Variants in ATM observed in about 807,000 individuals in gnomAD.
The protein encoded by ATM is ATM serine/threonine kinase.
Under a neutral mutation model 387.0 loss-of-function variants are expected in ATM, and 308 were observed. The ratio of observed to expected loss-of-function variants is 0.80; its 90% CI spans 0.73 to 0.87. ATM has a LOEUF of 0.87. Among genes scored for constraint, ATM ranks in the 40% least tolerant of loss-of-function variants. ATM has a pLI of 0.00. For missense variants in ATM, 3,312 were observed against 3,560.9 expected, an observed-to-expected ratio of 0.93 and a Z score of 1.78; for synonymous variants, 1,156 against 1,187.3, an observed-to-expected ratio of 0.97 and a Z score of 0.54.
chr11:108,313,757 A>G (rs946177696), intron 40 of ATM, among the ~76,000 whole-genome samples: 1 of 152,230 alleles, frequency 6.6e-6, no homozygotes, highest in South Asian at 2.1e-4. Context: ...AGTTGGAACT[A>G]TAGAATTATG....
At chr11:108,331,062 A>G (rs1565531347) in intron 50 of ATM, 2 of 599,478 alleles carry the variant, frequency 3.3e-6, no homozygotes, top group South Asian at 1.0e-4. Flanking sequence ...GTATACACTA[A>G]ATATTACTTT....
At position 108,289,649 on chromosome 11, in the gene ATM, A is replaced by G; in HGVS notation, c.4284A>G (p.Glu1428=). The G allele has an allele frequency of 6.2e-7, 1 of 1,611,490 alleles. No individual in the cohort carries two copies. Among genetic ancestry groups the G allele is most frequent in the Non-Finnish European group, 8.5e-7 (1 of 1,179,072 alleles). The change falls in exon 29 of 63, where the codon GAA becomes GAG. Residue 1428 remains glutamate, a synonymous_variant. Transcript: ENST00000675843. ...ILLAICEQAA[E]TNNVYKKHRI... The stretch of plus-strand genomic sequence containing the variant: ...TTGCCATATGTGAGCAAGCAGCTGA[A>G]ACAAATAATGTTTATAAGAAGCACA...
rs587781320 is a variant in ATM at position 108,293,367 on chromosome 11, T to C, written c.4666T>C (p.Tyr1556His). The change falls in exon 31 of 63, where the codon TAT (tyrosine) becomes CAT (histidine). Residue 1556 changes from tyrosine (Y) to histidine (H), a missense_variant. Physicochemically the swap from Tyr to His is moderately conservative, Grantham distance 83. Around this residue, in one of 4 missense-constraint regions of ATM, gnomAD observed 1,791 missense variants for 1,804.5 expected, o/e 0.99. Transcript: ENST00000675843. ...AGATAACAAGGATAATGAAAACCTC[T>C]ATATCACGATTAAGCTTTTAGATCC... The part of the protein sequence containing the change: ...VIDNKDNENL[Y>H]ITIKLLDPFP... 1.9e-5 allele frequency: 30 copies of C among 1,596,630 alleles called. No individual in the cohort carries two copies. Among genetic ancestry groups the C allele is most frequent in the Non-Finnish European group, 2.5e-5 (29 of 1,164,718 alleles).
chr11:108,302,973 T>C lies in ATM; in HGVS notation c.5440T>C (p.Leu1814=). The part of the protein sequence containing the change: ...IWIKTLTCAF[L]DSGGTKCEIL... ...GATAAAGACACTGACTTGTGCTTTT[T>C]TGGACAGTGGAGGCACAAAATGTGA... The change falls in exon 36 of 63, where the codon TTG becomes CTG. Residue 1814 remains leucine, a synonymous_variant. Transcript: ENST00000675843. 1 of 1,613,560 alleles carries C rather than the reference T, an allele frequency of 6.2e-7. No homozygotes were observed.
intron 22 of ATM, among the ~76,000 whole-genome samples, chr11:108,277,204 A>T (rs111309399): frequency 6.6e-6 from 1 of 151,910 alleles, no homozygotes; most frequent in Non-Finnish European, 1.5e-5. Flanking sequence ...GTAATTGCAG[A>T]CGCCCCTCCC....
chr11:108,292,647 C>T lies in ATM; in HGVS notation c.4465C>T (p.Arg1489Cys), dbSNP rs754181173. The T allele has an allele frequency of 1.3e-5, 21 of 1,612,928 alleles. No homozygotes were observed. The highest frequency in any genetic ancestry group is 1.6e-4 in the Middle Eastern group (1 of 6,080). The change falls in exon 30 of 63, where the codon CGT (arginine) becomes TGT (cysteine). Residue 1489 changes from arginine to cysteine, a missense_variant. Transcript: ENST00000675843. ...RPSCIMDVSL[R>C]SFSLCCDLLS... ...TTCTTGTATCATGGATGTGTCATTA[C>T]GTAGCTTCTCCCTTTGTTGTGACTT... is the stretch of plus-strand genomic sequence containing the variant.
chr11:108,227,503 A>G, intron 1 of ATM, 92 bp from the exon 2 acceptor site: 1 of 806,616 alleles, frequency 1.2e-6, no homozygotes, highest in Admixed American at 2.1e-5. Context: ...TGCAGTATAA[A>G]ATAATTATAT....
intron 29 of ATM, among the ~76,000 whole-genome samples, chr11:108,292,321 G>A (rs1462885309): frequency 6.6e-6 from 1 of 152,140 alleles, no homozygotes; most frequent in Non-Finnish European, 1.5e-5. Context: ...GATTTTTCTT[G>A]ATTCAATATT....
intron 20 of ATM, 94 bp from the exon 21 acceptor site, chr11:108,272,438 A>T: frequency 9.8e-7 from 1 of 1,023,622 alleles, no homozygotes; most frequent in South Asian, 1.3e-5. Context: ...ACAGAAAGAC[A>T]TATTGGAAGT....
chr11:108,241,497 G>C (rs2079555093), intron 5 of ATM, among the ~76,000 whole-genome samples: 1 of 152,058 alleles, frequency 6.6e-6, no homozygotes, highest in Non-Finnish European at 1.5e-5. Context: ...ATGCTTGTGA[G>C]TAATTTCTTG....
intron 5 of ATM, among the ~76,000 whole-genome samples, chr11:108,242,747 G>A (rs997640121): frequency 3.3e-5 from 5 of 152,084 alleles, no homozygotes; most frequent in Admixed American, 6.6e-5. Flanking sequence ...CACTGTTTTC[G>A]CAGTGTCAAG....
At chr11:108,253,778 C>T (rs2135364519) in intron 12 of ATM, 36 bp from the exon 13 acceptor site, 1 of 1,523,710 alleles carries the variant, frequency 6.6e-7, no homozygotes, top group Non-Finnish European at 9.1e-7. Context: ...GCATTAGGTA[C>T]TTGGTTTATA....
rs1157772894 is a variant in ATM, at chr11:108,365,099, A to C, written c.8868A>C (p.Pro2956=). 1.2e-6 allele frequency: 2 copies of C among 1,613,984 alleles called. No homozygotes were observed. Among genetic ancestry groups the C allele is most frequent in the Admixed American group, 3.3e-5 (2 of 59,992 alleles). The change falls in exon 62 of 63, where the codon CCA becomes CCC. Residue 2956 remains proline, a synonymous_variant. Transcript: ENST00000675843. ...CTGTTTAGGTCCTTCTATATGATCC[A>C]CTCTTTGACTGGACCATGAATCCTT... The part of the protein sequence containing the change: ...LTIVEVLLYD[P]LFDWTMNPLK...
Position 108,280,621 on chromosome 11 carries a change from A to G in ATM, c.3403-374A>G, listed in dbSNP as rs544191478. Among the ~76,000 whole-genome samples the G allele has an allele frequency of 2.6e-5, 4 of 152,270 alleles. No individual in the cohort carries two copies. In the South Asian group the frequency reaches 8.3e-4, roughly 32 times the overall value. On this transcript the variant is annotated intron_variant, in intron 23 of 62. Coordinates refer to ENST00000675843, the MANE Select transcript of ATM (RefSeq NM_000051.4). ...ACAAATATCCTTTGTGTTACAAGCA[A>G]TCCAATTACACTGTTTTAGTTATTA...
Position 108,293,494 on chromosome 11 carries a change from C to G in ATM, c.4776+17C>G, listed in dbSNP as rs767641642. On this transcript the variant is annotated intron_variant, in intron 31 of 62. Coordinates refer to ENST00000675843, the MANE Select transcript of ATM (RefSeq NM_000051.4). ...CTCTTGGAGGTAATAAAAATTTCAT[C>G]ATCTACTATTTTTTATTAGAGAACA... 1.3e-6 allele frequency: 2 copies of G among 1,589,296 alleles called. No homozygotes were observed. The highest frequency in any genetic ancestry group is 8.6e-7 in the Non-Finnish European group (1 of 1,159,040).
At chr11:108,339,977 G>A (rs953887963) in intron 56 of ATM, among the ~76,000 whole-genome samples, 3 of 152,116 alleles carry the variant, frequency 2.0e-5, no homozygotes, top group Non-Finnish European at 4.4e-5. Flanking sequence ...CCTACGTTGG[G>A]TTAGATACTC....
At chr11:108,340,091 A>G (rs764316396) in intron 56 of ATM, 4 of 152,174 alleles carry the variant, frequency 2.6e-5, no homozygotes, top group Non-Finnish European at 5.9e-5. Flanking sequence ...TTATAATGCA[A>G]AGTGTATTGT....
rs1370524851 is a variant in ATM at position 108,347,304 on chromosome 11, T to C, written c.8610T>C (p.Asp2870=). Residue 2870 remains aspartate, a synonymous_variant, in exon 59 of 63, where the codon GAT becomes GAC. Transcript: ENST00000675843. ...TTGGTTACATACTTGGACTTGGTGA[T>C]AGACATGTACAGAATATCTTGATAA... ...SIVGYILGLG[D]RHVQNILINE... The C allele has an allele frequency of 1.9e-6, 3 of 1,611,440 alleles. No homozygotes were observed. Among genetic ancestry groups the C allele is most frequent in the East Asian group, 2.2e-5 (1 of 44,758 alleles).
At chr11:108,276,106 G>A (rs1017826255) in intron 22 of ATM, among the ~76,000 whole-genome samples, 8 of 151,938 alleles carry the variant, frequency 5.3e-5, no homozygotes, top group African/African-American at 1.2e-4. Flanking sequence ...ATTTCATTAA[G>A]TTGATCTTCA....
Sources: gnomAD v4.1 joint callset for allele counts (sites outside exome capture counted in the v4.1 genomes callset) on GRCh38, gnomAD v4.1.1 for gene constraint, gnomAD v4.1.1 regional missense constraint, MANE v1.5 for transcripts, NCBI Gene and HGNC (gene_info 2026-07-23, HGNC 2026-07-21) for gene names.